Variants in LIPI observed in about 807,000 individuals in gnomAD.
LIPI encodes lipase member I.
Under a neutral mutation model 50.6 loss-of-function variants are expected in LIPI, and 59 were observed. The observed-to-expected ratio is 1.16, with a 90% CI of 0.94 to 1.45. The LOEUF (loss-of-function observed/expected upper bound fraction) is 1.45, where lower values mean the gene tolerates loss of function less well. Ranked by LOEUF, LIPI falls within the 40% of genes most tolerant of loss-of-function variation. The pLI, the probability that LIPI is intolerant of heterozygous loss-of-function variation, is 0.00. For synonymous variants in LIPI, 203 were observed against 178.2 expected (o/e 1.14, Z -1.11); for missense variants, 586 against 536.3 (o/e 1.09, Z -0.92).
chr21:14,152,051 G>T (rs12106484), intron 8 of LIPI, among the ~76,000 whole-genome samples: 1 of 151,236 alleles, frequency 6.6e-6, no homozygotes, highest in Non-Finnish European at 1.5e-5. Flanking sequence ...ACACAAAGTC[G>T]TCTTTTACTC....
chr21:14,184,102 T>C (rs899430556), intron 3 of LIPI, among the ~76,000 whole-genome samples: 3 of 151,954 alleles, frequency 2.0e-5, no homozygotes, highest in Non-Finnish European at 4.4e-5. Flanking sequence ...ATAGACCGGA[T>C]TAAGAAAATG....
At chr21:14,153,999 G>T (rs2018189344) in intron 7 of LIPI, among the ~76,000 whole-genome samples, 1 of 152,052 alleles carries the variant, frequency 6.6e-6, no homozygotes. Context: ...TCTGAAAAAA[G>T]AAAATCTGAC....
At chr21:14,160,799 TA>T (rs1241019920) in intron 7 of LIPI, among the ~76,000 whole-genome samples, 1 of 150,562 alleles carries the variant, frequency 6.6e-6, no homozygotes, top group Non-Finnish European at 1.5e-5. Flanking sequence ...GTCAACAGCT[TA>T]AAAAAAAGCC....
At chr21:14,187,347 G>T (rs73346087) in intron 2 of LIPI, among the ~76,000 whole-genome samples, 1 of 151,982 alleles carries the variant, frequency 6.6e-6, no homozygotes, top group African/African-American at 2.4e-5. Flanking sequence ...GATGTGGAGC[G>T]CTTGCCACTA....
At chr21:14,122,110 T>A (rs1295731588) in intron 9 of LIPI, among the ~76,000 whole-genome samples, 1 of 152,248 alleles carries the variant, frequency 6.6e-6, no homozygotes, top group Non-Finnish European at 1.5e-5. Context: ...CTGTGCATAG[T>A]GTAAACTTGA....
rs980521456 is a variant in LIPI, at chr21:14,132,636, C to T, written c.1295+11987G>A. On this transcript the variant is annotated intron_variant, in intron 9 of 9. Transcript: ENST00000681601. Reference sequence around the variant, plus strand: ...CACAAAAACACAAAAATATAAAACTCACAGTTCTTATAAAACACTCACACA... The same window carrying T: ...CACAAAAACACAAAAATATAAAACTTACAGTTCTTATAAAACACTCACACA... Among the ~76,000 whole-genome samples, 8 of 152,180 alleles carry T rather than the reference C, an allele frequency of 5.3e-5. No individual in the cohort carries two copies. The South Asian group carries it at 1.7e-3, about 32-fold the overall frequency.
intron 4 of LIPI, among the ~76,000 whole-genome samples, chr21:14,169,493 C>T (rs896827996): frequency 3.3e-5 from 5 of 152,118 alleles, no homozygotes; most frequent in African/African-American, 9.7e-5. Flanking sequence ...TGTAAAAGAA[C>T]AGAAATTATA....
intron 1 of LIPI, among the ~76,000 whole-genome samples, chr21:14,195,363 A>G (rs2019808591): frequency 9.0e-6 from 1 of 111,662 alleles, no homozygotes; most frequent in Non-Finnish European, 1.8e-5. Flanking sequence ...GCAACTAGGC[A>G]AAGTAGGAAG....
intron 9 of LIPI, among the ~76,000 whole-genome samples, chr21:14,116,952 A>G (rs978623840): frequency 6.6e-6 from 1 of 152,204 alleles, no homozygotes; most frequent in African/African-American, 2.4e-5. Context: ...ATCTCTGGCA[A>G]GGCTTAGGCG....
Position 14,167,786 on chromosome 21 carries a change from G to GGGAAA in LIPI, c.644-1336_644-1335insTTTCC, listed in dbSNP as rs1330748482. Among the ~76,000 whole-genome samples the GGGAAA allele has an allele frequency of 3.1e-4, 47 of 152,292 alleles. 1 individual carries two copies. The highest frequency in any genetic ancestry group is 1.0e-3 in the African/African-American group (43 of 41,556). On this transcript the variant is annotated intron_variant, in intron 4 of 9. Transcript: ENST00000681601. ...GGGAAAAAACAGAGCAGAAAAACTG[G>GGGAAA]AAACTCTAAAAAGCAGAGTGCCTCT...
chr21:14,170,578 G>A (rs1187591184), intron 4 of LIPI, among the ~76,000 whole-genome samples: 2 of 152,158 alleles, frequency 1.3e-5, no homozygotes, highest in African/African-American at 2.4e-5. Context: ...ATCAATAAAT[G>A]TAATCCAGCA....
In LIPI at chr21:14,169,512, T is replaced by C. The variant is rs1048143701; in HGVS notation, c.644-3061A>G. 5.2e-3 allele frequency among the ~76,000 whole-genome samples: 785 copies of C among 152,218 alleles called. 5 individuals carry two copies. Among genetic ancestry groups the C allele is most frequent in the African/African-American group, 0.018 (745 of 41,516 alleles). ...AAAGAACAGAAATTATAACAAACTG[T>C]CTCTCAGACCACAGTGCAATCAAAC... On this transcript the variant is annotated intron_variant, in intron 4 of 9. Coordinates refer to ENST00000681601, the MANE Select transcript of LIPI (RefSeq NM_001302998.2).
At chr21:14,174,388 T>C (rs1600898581) in intron 4 of LIPI, among the ~76,000 whole-genome samples, 1 of 151,220 alleles carries the variant, frequency 6.6e-6, no homozygotes, top group Admixed American at 6.6e-5. Context: ...TATAGGCTAA[T>C]TAATTATTAT....
At chr21:14,117,050 A>C (rs532151594) in intron 9 of LIPI, among the ~76,000 whole-genome samples, 38 of 152,170 alleles carry the variant, frequency 2.5e-4, no homozygotes, top group Non-Finnish European at 5.1e-4. Context: ...AGCCAGGCCC[A>C]CTGCTTGATA....
chr21:14,147,238 T>C (rs527572767), intron 8 of LIPI, among the ~76,000 whole-genome samples: 5 of 152,212 alleles, frequency 3.3e-5, no homozygotes, highest in African/African-American at 9.6e-5. Flanking sequence ...TAAGCATCAA[T>C]AGAGAAACTT....
In LIPI at chr21:14,210,841, C is replaced by G. The variant is rs2020344906; in HGVS notation, c.5G>C (p.Arg2Thr). 2 of 1,234,632 alleles carry G rather than the reference C, an allele frequency of 1.6e-6. No homozygotes were observed. Among genetic ancestry groups the G allele is most frequent in the African/African-American group, 1.6e-5 (1 of 63,524 alleles). 76.5% of individuals were successfully genotyped at this position (1,234,632 alleles called of 1,614,324 possible). A position where few individuals can be genotyped will look rare whatever the true frequency, so the allele number is the denominator to read the frequency against. The change falls in exon 1 of 10, where the codon AGA becomes ACA. Residue 2 changes from arginine to threonine, a missense_variant. Physicochemically the swap from Arg to Thr is moderately conservative, Grantham distance 71 (BLOSUM62 -1). Transcript: ENST00000681601. Reference protein sequence around the residue: MRVYIFLCLMCW... With the variant: MTVYIFLCLMCW... The stretch of plus-strand genomic sequence containing the variant: ...CATCAAACAAAGAAAAATGTATACT[C>G]TCATTTGGAATCTGAGAAAAGCAAA...
intron 7 of LIPI, 69 bp from the exon 8 acceptor site, chr21:14,152,753 T>C: frequency 1.4e-6 from 1 of 709,480 alleles, no homozygotes; most frequent in Non-Finnish European, 2.5e-6. Context: ...CATATTCAGA[T>C]ATATATATAT....
chr21:14,127,830 G>A (rs180863926), intron 9 of LIPI, among the ~76,000 whole-genome samples: 11 of 152,104 alleles, frequency 7.2e-5, no homozygotes, highest in African/African-American at 2.4e-4. Context: ...CCTCCTTGAC[G>A]TCTCTTCTAA....
At chr21:14,159,693 TA>T (rs2018397048) in intron 7 of LIPI, among the ~76,000 whole-genome samples, 1 of 151,186 alleles carries the variant, frequency 6.6e-6, no homozygotes, top group African/African-American at 2.4e-5. Flanking sequence ...ATAGAAGAAA[TA>T]AAAGCATTCT....
Sources: gnomAD v4.1 joint callset for allele counts (sites outside exome capture counted in the v4.1 genomes callset) on GRCh38, gnomAD v4.1.1 for gene constraint, MANE v1.5 for transcripts, NCBI Gene and HGNC (gene_info 2026-07-23, HGNC 2026-07-21) for gene names.